The following FNDC3B variants were observed in gnomAD, a reference collection of about 807,000 sequenced individuals.
The protein encoded by FNDC3B is fibronectin type III domain-containing protein 3B.
FNDC3B carries 12 observed loss-of-function variants against 151.5 expected under a neutral mutation model. The ratio of observed to expected loss-of-function variants is 0.08; its 90% confidence interval spans 0.05 to 0.13. The LOEUF is 0.13. Ranked by LOEUF, FNDC3B falls within the 10% of genes least tolerant of loss-of-function variation. The pLI, the probability that FNDC3B is intolerant of heterozygous loss-of-function variation, is 1.00. For synonymous variants in FNDC3B, 528 were observed against 549.0 expected (o/e 0.96, Z 0.54); for missense variants, 1,214 against 1,505.3 (o/e 0.81, Z 3.20).
chr3:172,147,399 C>T (rs1197058071), intron 3 of FNDC3B, among the ~76,000 whole-genome samples: 5 of 151,706 alleles, frequency 3.3e-5, no homozygotes, highest in South Asian at 4.2e-4. Flanking sequence ...GCCCTGTTTT[C>T]GCATGCCTTT....
Position 172,251,248 on chromosome 3 carries a change from C to A in FNDC3B, c.509-12C>A. On this transcript the variant is annotated splice_polypyrimidine_tract_variant and intron_variant, in intron 5 of 25. Coordinates refer to ENST00000415807, the MANE Select transcript of FNDC3B (RefSeq NM_022763.4). ...AAACTGAGTTTGGGTTTATCATAATCATCCATTTTAGAAATTATACCATTT... is the reference window on the plus strand; with the variant it reads ...AAACTGAGTTTGGGTTTATCATAATAATCCATTTTAGAAATTATACCATTT... The A allele has an allele frequency of 6.3e-7, 1 of 1,588,830 alleles. No homozygotes were observed. Among genetic ancestry groups the A allele is most frequent in the Non-Finnish European group, 8.6e-7 (1 of 1,160,350 alleles).
intron 22 of FNDC3B, among the ~76,000 whole-genome samples, chr3:172,355,831 GT>G (rs915572602): frequency 2.0e-4 from 31 of 152,220 alleles, no homozygotes; most frequent in Non-Finnish European, 1.0e-4. Context: ...ATGTTTTCAG[GT>G]TTTTGGTGGC....
chr3:172,044,283 CTTTTTTT>C (rs767357950), intron 1 of FNDC3B, among the ~76,000 whole-genome samples: 2 of 110,422 alleles, frequency 1.8e-5, no homozygotes, highest in Non-Finnish European at 3.7e-5. Context: ...AATTCCAACT[CTTTTTTT>C]TTTTTTTTTT....
intron 22 of FNDC3B, among the ~76,000 whole-genome samples, chr3:172,359,836 A>G (rs1734281864): frequency 6.6e-6 from 1 of 152,168 alleles, no homozygotes; most frequent in Non-Finnish European, 1.5e-5. Context: ...AGAATCTGGG[A>G]AAAGTAAGGC....
At chr3:172,082,263 C>T (rs1435287715) in intron 1 of FNDC3B, among the ~76,000 whole-genome samples, 3 of 152,134 alleles carry the variant, frequency 2.0e-5, no homozygotes, top group African/African-American at 7.2e-5. Flanking sequence ...TTCCTGTCCC[C>T]AAATAATGTG....
intron 3 of FNDC3B, among the ~76,000 whole-genome samples, chr3:172,152,578 C>G (rs1020420144): frequency 1.6e-5 from 2 of 125,812 alleles, no homozygotes; most frequent in African/African-American, 6.2e-5. Flanking sequence ...ATGGGAAGGG[C>G]TTTTTTTTTT....
intron 11 of FNDC3B, among the ~76,000 whole-genome samples, chr3:172,316,777 C>T (rs556710566): frequency 1.3e-5 from 2 of 152,310 alleles, no homozygotes; most frequent in East Asian, 3.9e-4. Flanking sequence ...TGATGTTTAT[C>T]TAAAGAAACC....
At chr3:172,373,548 C>T (rs1734984068) in intron 23 of FNDC3B, among the ~76,000 whole-genome samples, 1 of 152,152 alleles carries the variant, frequency 6.6e-6, no homozygotes, top group South Asian at 2.1e-4. Context: ...TCTTGGGATG[C>T]TTGGTATATT....
intron 1 of FNDC3B, among the ~76,000 whole-genome samples, chr3:172,055,431 CTTA>C (rs1037478757): frequency 1.3e-5 from 2 of 152,016 alleles, no homozygotes; most frequent in African/African-American, 4.8e-5. Flanking sequence ...TTACCATTTG[CTTA>C]TTATATTCAA....
At position 172,112,452 on chromosome 3, in the gene FNDC3B, G is replaced by A. The variant is rs774077880; in HGVS notation, c.-28G>A. ...TTAAAAAGCGGCGGTTCTCTTGCAG[G>A]AAGCCAGTTGAGGGAAGTTCTCCAT... On this transcript the variant is annotated splice_region_variant and 5_prime_UTR_variant, in exon 2 of 26. Coordinates refer to ENST00000415807, the MANE Select transcript of FNDC3B (RefSeq NM_022763.4). The A allele has an allele frequency of 6.6e-7, 1 of 1,524,058 alleles. No individual in the cohort carries two copies. The highest frequency in any genetic ancestry group is 1.1e-5 in the South Asian group (1 of 89,264). 94.4% of individuals were successfully genotyped at this position (1,524,058 alleles called of 1,614,324 possible).
intron 3 of FNDC3B, among the ~76,000 whole-genome samples, chr3:172,140,859 T>C (rs1392303856): frequency 6.6e-6 from 1 of 152,270 alleles, no homozygotes; most frequent in Admixed American, 6.5e-5. Flanking sequence ...TTTATGTTTA[T>C]TCTTATATTT....
chr3:172,141,141 T>C (rs1392724640), intron 3 of FNDC3B, among the ~76,000 whole-genome samples: 1 of 116,806 alleles, frequency 8.6e-6, no homozygotes, highest in East Asian at 2.4e-4. Flanking sequence ...GCTTTACTGA[T>C]TTTTCCCCCC....
chr3:172,258,722 GT>G (rs1456730764), intron 6 of FNDC3B, among the ~76,000 whole-genome samples: 1 of 152,180 alleles, frequency 6.6e-6, no homozygotes, highest in Non-Finnish European at 1.5e-5. Context: ...CGTGCTTAAT[GT>G]TAATAAGGTC....
chr3:172,367,762 C>T (rs529161936), intron 23 of FNDC3B, among the ~76,000 whole-genome samples: 26 of 152,270 alleles, frequency 1.7e-4, no homozygotes, highest in East Asian at 7.7e-4. Flanking sequence ...GCGGGAAGAA[C>T]GTAAATTCCA....
chr3:172,087,951 A>G (rs1187005021), intron 1 of FNDC3B, among the ~76,000 whole-genome samples: 1 of 152,196 alleles, frequency 6.6e-6, no homozygotes, highest in Non-Finnish European at 1.5e-5. Context: ...AGAGATGAGA[A>G]TGTAGTATAT....
chr3:172,191,230 T>C (rs1393806116), intron 3 of FNDC3B, among the ~76,000 whole-genome samples: 1 of 152,130 alleles, frequency 6.6e-6, no homozygotes, highest in East Asian at 1.9e-4. Context: ...TTTGTGCACG[T>C]GCTCATGATT....
chr3:172,112,502 C>T lies in FNDC3B; in HGVS notation c.23C>T (p.Thr8Ile), dbSNP rs779566807. 6.2e-7 allele frequency: 1 copy of T among 1,613,942 alleles called. No homozygotes were observed. Among genetic ancestry groups the T allele is most frequent in the South Asian group, 1.1e-5 (1 of 91,076 alleles). MYVTMMM[T>I]DQIPLELPPL... is the part of the protein sequence containing the mutation. ...TGAATGTACGTCACAATGATGATGA[C>T]CGACCAAATCCCTCTGGAACTGCCA... Residue 8 changes from threonine (T) to isoleucine (I), a missense_variant, in exon 2 of 26, where the codon ACC becomes ATC. Thr to Ile is a moderately conservative substitution (Grantham distance 89). Transcript: ENST00000415807.
chr3:172,352,734 G>T lies in FNDC3B; in HGVS notation c.2515-69G>T. On this transcript the variant is annotated intron_variant, in intron 21 of 25. Transcript: ENST00000415807. The surrounding 1 kb of genome is among the most constrained non-coding windows in gnomAD (Gnocchi z 4.2). Reference sequence around the variant, plus strand: ...ACTACTTTAGATTTATTTAATGGCAGCTAACTCAGAGGCATCAAAATGTGC... The same window carrying T: ...ACTACTTTAGATTTATTTAATGGCATCTAACTCAGAGGCATCAAAATGTGC... 4 of 1,464,418 alleles carry T rather than the reference G, an allele frequency of 2.7e-6. No individual in the cohort carries two copies. Among genetic ancestry groups the T allele is most frequent in the Non-Finnish European group, 2.8e-6 (3 of 1,080,252 alleles). The allele number at this position is 1,464,418 out of a possible 1,614,324, so 90.7% of individuals were successfully genotyped here.
At chr3:172,275,514 G>A (rs1299065138) in intron 6 of FNDC3B, among the ~76,000 whole-genome samples, 1 of 152,162 alleles carries the variant, frequency 6.6e-6, no homozygotes, top group Admixed American at 6.5e-5. Flanking sequence ...GCCTAGAGTA[G>A]GTAGGCTTGA....
Sources: gnomAD v4.1 joint callset for allele counts (sites outside exome capture counted in the v4.1 genomes callset) on GRCh38, gnomAD v4.1.1 for gene constraint, Gnocchi (gnomAD v3.1) non-coding constraint, MANE v1.5 for transcripts, NCBI Gene and HGNC (gene_info 2026-07-23, HGNC 2026-07-21) for gene names.